Variants in PSAT1 observed in about 807,000 individuals in gnomAD.
The protein encoded by PSAT1 is phosphoserine aminotransferase.
A neutral mutation model predicts 40.3 loss-of-function variants in PSAT1; 41 were observed. The observed-to-expected ratio is 1.02, with a 90% CI of 0.79 to 1.32. The LOEUF (loss-of-function observed/expected upper bound fraction) is 1.32. Ranked by LOEUF, PSAT1 falls within the 40% of genes most tolerant of loss-of-function variation. The pLI is 0.00. For synonymous variants in PSAT1, 147 were observed against 170.5 expected, an observed-to-expected ratio of 0.86 and a Z score of 1.07; for missense variants, 406 against 455.8, an observed-to-expected ratio of 0.89 and a Z score of 0.99.
At chr9:78,311,378 A>G (rs1828265137) in intron 6 of PSAT1, among the ~76,000 whole-genome samples, 1 of 152,114 alleles carries the variant, frequency 6.6e-6, no homozygotes, top group Non-Finnish European at 1.5e-5. Flanking sequence ...CACCCATTTC[A>G]GAAGTGAGAA....
chr9:78,328,904 C>T, intron 8 of PSAT1, 77 bp from the exon 9 acceptor site: 1 of 1,132,462 alleles, frequency 8.8e-7, no homozygotes, highest in East Asian at 2.4e-5. Flanking sequence ...CTCTCAGGAG[C>T]CAGTGGCTAG....
chr9:78,328,661 G>A (rs1162133141), intron 8 of PSAT1, among the ~76,000 whole-genome samples: 1 of 152,142 alleles, frequency 6.6e-6, no homozygotes, highest in Non-Finnish European at 1.5e-5. Flanking sequence ...TGTCACGACA[G>A]GCTCATGAAT....
intron 3 of PSAT1, among the ~76,000 whole-genome samples, chr9:78,303,423 G>T (rs1252735307): frequency 6.6e-6 from 1 of 152,116 alleles, no homozygotes; most frequent in East Asian, 1.9e-4. Context: ...GATGACATTT[G>T]ACCACATGGC....
chr9:78,299,514 C>CTTTTTTTTTTTTTAATCTAATTCTTTTTT (rs1828076440), intron 1 of PSAT1, among the ~76,000 whole-genome samples: 5 of 118,526 alleles, frequency 4.2e-5, no homozygotes, highest in South Asian at 3.0e-4. Context: ...TAATCTAATT[C>CTTTTTTTTTTTTTAATCTAATTCTTTTTT]TTTTTTTTTT....
chr9:78,321,047 A>C (rs1039161291), intron 7 of PSAT1, among the ~76,000 whole-genome samples: 1 of 152,080 alleles, frequency 6.6e-6, no homozygotes, highest in Non-Finnish European at 1.5e-5. Context: ...AACTCCAAGC[A>C]CTAAACCTGG....
chr9:78,323,727 A>G (rs916140507), intron 7 of PSAT1, among the ~76,000 whole-genome samples: 1 of 152,212 alleles, frequency 6.6e-6, no homozygotes, highest in African/African-American at 2.4e-5. Context: ...CCATTAGGGT[A>G]GCCACCTCTT....
intron 6 of PSAT1, among the ~76,000 whole-genome samples, chr9:78,313,470 C>T (rs527256116): frequency 2.0e-5 from 3 of 148,584 alleles, no homozygotes; most frequent in African/African-American, 7.4e-5. Context: ...TGCTTTGTAT[C>T]CTAACAGACT....
chr9:78,310,900 C>T (rs530187567), intron 6 of PSAT1, among the ~76,000 whole-genome samples: 21 of 151,992 alleles, frequency 1.4e-4, no homozygotes, highest in Admixed American at 3.9e-4. Context: ...GAGCCACCGC[C>T]GGAATTTTTT....
chr9:78,327,494 G>C (rs900671251), intron 7 of PSAT1, among the ~76,000 whole-genome samples: 2 of 152,164 alleles, frequency 1.3e-5, no homozygotes, highest in Non-Finnish European at 2.9e-5. Context: ...GGTGGTTGAG[G>C]TAGGTTCCTC....
At chr9:78,314,515 G>A (rs1017664943) in intron 6 of PSAT1, among the ~76,000 whole-genome samples, 1 of 151,874 alleles carries the variant, frequency 6.6e-6, no homozygotes, top group African/African-American at 2.4e-5. Context: ...GCAGAGGGCT[G>A]GGTGGGAGGG....
At chr9:78,326,955 A>ATTTTTT (rs1554688170) in intron 7 of PSAT1, among the ~76,000 whole-genome samples, 6 of 75,960 alleles carry the variant, frequency 7.9e-5, no homozygotes, top group African/African-American at 5.7e-4. Flanking sequence ...ATATATATAT[A>ATTTTTT]TTTTTTTTTT....
chr9:78,312,625 G>GACAGAAGTT (rs1180617906), intron 6 of PSAT1, among the ~76,000 whole-genome samples: 1 of 152,140 alleles, frequency 6.6e-6, no homozygotes, highest in African/African-American at 2.4e-5. Context: ...GAATCCAGGG[G>GACAGAAGTT]GCAGAAGTTG....
At chr9:78,312,015 G>C (rs1828275709) in intron 6 of PSAT1, among the ~76,000 whole-genome samples, 2 of 151,318 alleles carry the variant, frequency 1.3e-5, no homozygotes, top group Admixed American at 6.6e-5. Flanking sequence ...TCACATAGTA[G>C]AGTTCTTGAA....
intron 3 of PSAT1, 53 bp downstream of exon 3, chr9:78,302,076 C>A: frequency 1.6e-6 from 2 of 1,230,120 alleles, no homozygotes; most frequent in Non-Finnish European, 1.2e-6. Context: ...CTTCCTAAAT[C>A]TGGATGTCTT....
At chr9:78,314,070 A>G (rs1828305316) in intron 6 of PSAT1, among the ~76,000 whole-genome samples, 1 of 152,248 alleles carries the variant, frequency 6.6e-6, no homozygotes, top group Admixed American at 6.5e-5. Context: ...TTAGAAATGA[A>G]GGCATAAGTC....
At position 78,319,740 on chromosome 9, in the gene PSAT1, A is replaced by C. The variant is rs183014503; in HGVS notation, c.869+1936A>C. 2.4e-4 allele frequency among the ~76,000 whole-genome samples: 36 copies of C among 152,328 alleles called. No individual in the cohort carries two copies. The East Asian group carries it at 6.9e-3, about 29-fold the overall frequency. On this transcript the variant is annotated intron_variant, in intron 7 of 8. Transcript: ENST00000376588. Reference sequence around the variant, plus strand: ...ATGAGCCCTGGTCATGAGTGGAATTAGGCAGAGAAGAGGGCAGAAGTACTT... The same window carrying C: ...ATGAGCCCTGGTCATGAGTGGAATTCGGCAGAGAAGAGGGCAGAAGTACTT...
chr9:78,308,414 T>G lies in PSAT1; in HGVS notation c.571T>G (p.Phe191Val). The G allele has an allele frequency of 6.2e-7, 1 of 1,613,106 alleles. No homozygotes were observed. The highest frequency in any genetic ancestry group is 8.5e-7 in the Non-Finnish European group (1 of 1,179,524). ...AGCAGCATGTCTTTCTCTTTTTAAG[T>G]TTGGTGTGATTTTTGCTGGTGCCCA... is the stretch of plus-strand genomic sequence containing the variant. Reference protein sequence around the residue: ...FLSKPVDVSKFGVIFAGAQKN... With the variant: ...FLSKPVDVSKVGVIFAGAQKN... Residue 191 changes from phenylalanine to valine, a missense_variant and splice_region_variant, in exon 6 of 9, where the codon TTT becomes GTT. By Grantham distance (50) the Phe-to-Val change is conservative. Coordinates refer to ENST00000376588, the MANE Select transcript of PSAT1 (RefSeq NM_058179.4).
chr9:78,297,282 C>A lies in PSAT1; in HGVS notation c.60+12C>A. On this transcript the variant is annotated intron_variant, in intron 1 of 8. Transcript: ENST00000376588. ...AGCTGCCGCACTCAGTAAGTCCCCG[C>A]GAGCGGGCGCCGGGAGTGAGGTTCA... 1 of 1,594,604 alleles carries A rather than the reference C, an allele frequency of 6.3e-7. No individual in the cohort carries two copies.
intron 6 of PSAT1, among the ~76,000 whole-genome samples, chr9:78,311,604 C>T (rs566592843): frequency 3.8e-4 from 58 of 152,064 alleles, no homozygotes; most frequent in Admixed American, 1.1e-3. Context: ...GAGGCCGAGG[C>T]GAGTGGATCA....
Sources: allele counts gnomAD v4.1 joint callset (sites outside exome capture counted in the v4.1 genomes callset), GRCh38; gene constraint gnomAD v4.1.1; transcripts MANE v1.5; gene names NCBI Gene and HGNC (gene_info 2026-07-23, HGNC 2026-07-21).